Variants in ANKAR observed in about 807,000 individuals in gnomAD.
The protein encoded by ANKAR is ankyrin and armadillo repeat containing.
Under a neutral mutation model 146.2 loss-of-function variants are expected in ANKAR, and 136 were observed. The ratio of observed to expected loss-of-function variants is 0.93; its 90% CI spans 0.81 to 1.07. The LOEUF (loss-of-function observed/expected upper bound fraction) is 1.07. ANKAR is among the 50% of genes least tolerant of loss of function. The pLI, the probability that ANKAR is intolerant of heterozygous loss-of-function variation, is 0.00. For synonymous variants in ANKAR, 500 were observed against 575.8 expected (o/e 0.87, Z 1.88); for missense variants, 1,567 against 1,679.9 (o/e 0.93, Z 1.18).
chr2:189,728,280 A>G lies in ANKAR; in HGVS notation c.2891A>G (p.Asp964Gly). Reference sequence around the variant, plus strand: ...TTTTAAAAATAGGCATTTCAAATAGATGTTAAGGAACAAGGAGCTGTTGCA... The same window carrying G: ...TTTTAAAAATAGGCATTTCAAATAGGTGTTAAGGAACAAGGAGCTGTTGCA... ...LLKLLKAFQI[D>G]VKEQGAVALW... is the part of the protein sequence containing the mutation. Residue 964 changes from aspartate (D) to glycine (G), a missense_variant, in exon 14 of 23, where the codon GAT (aspartate) becomes GGT (glycine). Asp to Gly is a moderately conservative substitution (Grantham distance 94). Transcript: ENST00000684021. The G allele has an allele frequency of 2.5e-6, 4 of 1,600,378 alleles. No individual in the cohort carries two copies. Among genetic ancestry groups the G allele is most frequent in the Non-Finnish European group, 2.5e-6 (3 of 1,176,730 alleles).
At chr2:189,714,515 G>C (rs898797899) in intron 10 of ANKAR, among the ~76,000 whole-genome samples, 18 of 152,214 alleles carry the variant, frequency 1.2e-4, no homozygotes, top group African/African-American at 3.9e-4. Context: ...ATGACTACTG[G>C]GTAAATAACG....
At chr2:189,684,634 C>T (rs2035250434) in intron 2 of ANKAR, among the ~76,000 whole-genome samples, 1 of 151,876 alleles carries the variant, frequency 6.6e-6, no homozygotes, top group East Asian at 1.9e-4. Flanking sequence ...GTAGGTGGTT[C>T]GCTTTAGCTC....
At chr2:189,756,442 C>T (rs1449619565) in intron 18 of ANKAR, among the ~76,000 whole-genome samples, 1 of 152,134 alleles carries the variant, frequency 6.6e-6, no homozygotes, top group East Asian at 1.9e-4. Context: ...TTTGATGTTG[C>T]AAGATCTACT....
chr2:189,752,273 C>T (rs1440893812), intron 18 of ANKAR, among the ~76,000 whole-genome samples: 1 of 152,196 alleles, frequency 6.6e-6, no homozygotes, highest in Non-Finnish European at 1.5e-5. Flanking sequence ...ATAATCACAA[C>T]CCACTCTCAC....
At chr2:189,685,648 AT>A (rs1403660744) in intron 2 of ANKAR, among the ~76,000 whole-genome samples, 1 of 152,122 alleles carries the variant, frequency 6.6e-6, no homozygotes, top group Non-Finnish European at 1.5e-5. Context: ...CTGTAGAGTG[AT>A]GAGCAGGAAC....
chr2:189,744,683 T>C, intron 21 of ANKAR, 59 bp from the exon 22 acceptor site: 3 of 1,263,390 alleles, frequency 2.4e-6, no homozygotes, highest in Non-Finnish European at 3.4e-6. Context: ...TCTTCATATA[T>C]TTTTTCTGGG....
chr2:189,717,386 T>G (rs998019234), intron 10 of ANKAR, among the ~76,000 whole-genome samples: 7 of 152,236 alleles, frequency 4.6e-5, no homozygotes, highest in South Asian at 4.1e-4. Flanking sequence ...ACAACAATGA[T>G]ATACCATCTC....
intron 17 of ANKAR, among the ~76,000 whole-genome samples, chr2:189,734,825 G>A (rs772937256): frequency 2.0e-5 from 3 of 151,934 alleles, no homozygotes; most frequent in Non-Finnish European, 2.9e-5. Flanking sequence ...TTGGCCGGGC[G>A]TGGTGGCACA....
chr2:189,692,477 C>A (rs1279488481), intron 4 of ANKAR, 59 bp downstream of exon 4: 27 of 1,497,086 alleles, frequency 1.8e-5, no homozygotes, highest in Non-Finnish European at 2.4e-5. Flanking sequence ...TCCTATTCTC[C>A]AACCAAAAAG....
At position 189,728,050 on chromosome 2, in the gene ANKAR, G is replaced by C. The variant is rs1218191093; in HGVS notation, c.2830G>C (p.Ala944Pro). Residue 944 changes from alanine (A) to proline (P), a missense_variant, in exon 13 of 23, where the codon GCA becomes CCA. Coordinates refer to ENST00000684021, the MANE Select transcript of ANKAR (RefSeq NM_001378068.1). ...LASHNALIQK[A>P]FLEKSLTKYL... ...AAGTCACAACGCTCTTATACAGAAA[G>C]CATTTCTGGAAAAATCGTTAACTAA... 2 of 1,613,094 alleles carry C rather than the reference G, an allele frequency of 1.2e-6. No individual in the cohort carries two copies. Among genetic ancestry groups the C allele is most frequent in the Non-Finnish European group, 8.5e-7 (1 of 1,179,598 alleles).
chr2:189,697,349 T>G (rs1254757507), intron 7 of ANKAR, among the ~76,000 whole-genome samples: 1 of 151,986 alleles, frequency 6.6e-6, no homozygotes, highest in Non-Finnish European at 1.5e-5. Context: ...CACATATATA[T>G]GTACATATAT....
intron 7 of ANKAR, among the ~76,000 whole-genome samples, chr2:189,700,198 A>G (rs1266331675): frequency 6.6e-6 from 1 of 152,120 alleles, no homozygotes; most frequent in African/African-American, 2.4e-5. Flanking sequence ...GAAAGTCTTT[A>G]TTCCTCATTC....
intron 20 of ANKAR, among the ~76,000 whole-genome samples, chr2:189,742,118 G>A (rs766795991): frequency 6.6e-6 from 1 of 152,168 alleles, no homozygotes; most frequent in African/African-American, 2.4e-5. Context: ...GTCTAAAGCA[G>A]TGTTACTCCA....
At chr2:189,681,344 C>T (rs2034635468) in intron 2 of ANKAR, among the ~76,000 whole-genome samples, 1 of 152,162 alleles carries the variant, frequency 6.6e-6, no homozygotes, top group African/African-American at 2.4e-5. Flanking sequence ...GGGAAGAGGG[C>T]TCTTGCTTAC....
At chr2:189,681,391 G>C (rs1317398577) in intron 2 of ANKAR, among the ~76,000 whole-genome samples, 2 of 152,144 alleles carry the variant, frequency 1.3e-5, no homozygotes, top group African/African-American at 4.8e-5. Context: ...CCACTTCATG[G>C]CCCAGGATCT....
Position 189,693,145 on chromosome 2 carries a change from C to T in ANKAR, c.1275C>T (p.Tyr425=). 3 of 1,558,466 alleles carry T rather than the reference C, an allele frequency of 1.9e-6. No individual in the cohort carries two copies. Among genetic ancestry groups the T allele is most frequent in the Non-Finnish European group, 2.6e-6 (3 of 1,148,156 alleles). Residue 425 remains tyrosine (Y), a synonymous_variant, in exon 5 of 23, where the codon TAC becomes TAT. Coordinates refer to ENST00000684021, the MANE Select transcript of ANKAR (RefSeq NM_001378068.1). Reference sequence around the variant, plus strand: ...AAGATTCAGGATATAAAGAATATTACTCAATACCAGTCATGGAATTTCATG... The same window carrying T: ...AAGATTCAGGATATAAAGAATATTATTCAATACCAGTCATGGAATTTCATG... ...FIEDSGYKEY[Y]SIPVMEFHGK...
In ANKAR at chr2:189,746,546, T is replaced by C; in HGVS notation, c.4224T>C (p.Asn1408=). 1 of 1,613,782 alleles carries C rather than the reference T, an allele frequency of 6.2e-7. No homozygotes were observed. The highest frequency in any genetic ancestry group is 2.2e-5 in the East Asian group (1 of 44,830). The part of the protein sequence containing the change: ...FSSTITSDIT[N]VSRPRIVCLN... Reference sequence around the variant, plus strand: ...CTACAATTACATCAGATATCACAAATGTATCAAGACCAAGAATAGTGTGTT... The same window carrying C: ...CTACAATTACATCAGATATCACAAACGTATCAAGACCAAGAATAGTGTGTT... The change falls in exon 23 of 23, where the codon AAT becomes AAC. Residue 1408 remains asparagine (N), a synonymous_variant. Transcript: ENST00000684021.
intron 9 of ANKAR, among the ~76,000 whole-genome samples, chr2:189,709,378 A>G (rs939911424): frequency 5.3e-5 from 8 of 152,256 alleles, no homozygotes; most frequent in African/African-American, 1.9e-4. Context: ...AGATTTATAA[A>G]TCATAGAAGG....
chr2:189,740,854 C>T (rs774864312), intron 19 of ANKAR, among the ~76,000 whole-genome samples: 4 of 151,988 alleles, frequency 2.6e-5, no homozygotes, highest in African/African-American at 4.8e-5. Flanking sequence ...CCACCACGCC[C>T]GGCTAATTTT....
Sources: allele counts gnomAD v4.1 joint callset (sites outside exome capture counted in the v4.1 genomes callset), GRCh38; gene constraint gnomAD v4.1.1; transcripts MANE v1.5; gene names NCBI Gene and HGNC (gene_info 2026-07-23, HGNC 2026-07-21).